The following MPRIP variants were observed in gnomAD, a reference collection of about 807,000 sequenced individuals.
MPRIP encodes myosin phosphatase Rho interacting protein, also known as myosin phosphatase Rho-interacting protein.
A neutral mutation model predicts 234.9 loss-of-function variants in MPRIP; 59 were observed. The observed-to-expected ratio is 0.25, with a 90% CI of 0.20 to 0.31. The LOEUF is 0.31. MPRIP is among the 10% of genes least tolerant of loss of function. The pLI, the probability that MPRIP is intolerant of heterozygous loss-of-function variation, is 1.00. For synonymous variants in MPRIP, 1,144 were observed against 1,263.9 expected, an observed-to-expected ratio of 0.91 and a Z score of 2.01; for missense variants, 2,436 against 3,071.0, an observed-to-expected ratio of 0.79 and a Z score of 4.89.
chr17:17,142,575 A>G lies in MPRIP; in HGVS notation c.1251-52A>G. 8 of 1,595,700 alleles carry G rather than the reference A, an allele frequency of 5.0e-6. 1 individual carries two copies. In the South Asian group the frequency reaches 7.9e-5, roughly 16 times the overall value. ...GCATGGGAGGAGTCGGCTCACTGCC[A>G]CCTCACAGCTCACCTCACTGCCACC... On this transcript the variant is annotated intron_variant, in intron 7 of 23. Transcript: ENST00000651222.
intron 3 of MPRIP, among the ~76,000 whole-genome samples, chr17:17,090,692 C>T (rs1386234646): frequency 6.6e-6 from 1 of 152,210 alleles, no homozygotes; most frequent in African/African-American, 2.4e-5. Context: ...ACAGTGCTAG[C>T]GTCCTCACTG....
intron 1 of MPRIP, among the ~76,000 whole-genome samples, chr17:17,069,287 G>GT (rs1334035511): frequency 6.6e-6 from 1 of 151,930 alleles, no homozygotes; most frequent in African/African-American, 2.4e-5. Context: ...ATCACTTTTA[G>GT]TTTTTTCTTT....
Position 17,190,669 on chromosome 17 carries a change from A to G in MPRIP, c.*5775A>G, listed in dbSNP as rs1265999285. On this transcript the variant is annotated 3_prime_UTR_variant, in exon 24 of 24. Coordinates refer to ENST00000651222, the MANE Select transcript of MPRIP (RefSeq NM_001364716.4). ...CATCTCCCTTCTCTGAAATCCTTCA[A>G]CAAAAGAAAAGGCTCTTGGCAGGGT... 2 of 152,342 alleles carry G rather than the reference A, an allele frequency of 1.3e-5. No homozygotes were observed. The highest frequency in any genetic ancestry group is 1.5e-5 in the Non-Finnish European group (1 of 68,036). The allele number at this position is 152,342 out of a possible 1,614,324, so 9.4% of individuals were successfully genotyped here. A position where few individuals can be genotyped will look rare whatever the true frequency, so the allele number is the denominator to read the frequency against.
In MPRIP at chr17:17,138,082, T is replaced by A. The variant is rs1184736300; in HGVS notation, c.903T>A (p.Ser301Arg). Residue 301 changes from serine to arginine, a missense_variant, in exon 7 of 24, where the codon AGT becomes AGA. Coordinates refer to ENST00000651222, the MANE Select transcript of MPRIP (RefSeq NM_001364716.4). The surrounding 1 kb of genome is among the most constrained non-coding windows in gnomAD (Gnocchi z 5.8). The part of the protein sequence containing the change: ...PSPSTPNHRY[S>R]CPESPSQELG... Reference sequence around the variant, plus strand: ...CCAGCACCCCCAACCACAGGTACAGTTGCCCCGAGTCGCCCTCCCAGGAGC... The same window carrying A: ...CCAGCACCCCCAACCACAGGTACAGATGCCCCGAGTCGCCCTCCCAGGAGC... The A allele has an allele frequency of 1.9e-6, 3 of 1,572,148 alleles. No homozygotes were observed. Among genetic ancestry groups the A allele is most frequent in the Non-Finnish European group, 2.6e-6 (3 of 1,159,690 alleles).
At chr17:17,180,150 A>G (rs1159989623) in intron 23 of MPRIP, 62 bp downstream of exon 23, 1 of 1,336,098 alleles carries the variant, frequency 7.5e-7, no homozygotes, top group East Asian at 2.4e-5. Context: ...AGAGTAGCCC[A>G]AATTGAAGTA....
intron 15 of MPRIP, among the ~76,000 whole-genome samples, chr17:17,162,314 C>T (rs1429423096): frequency 2.0e-5 from 3 of 152,214 alleles, no homozygotes; most frequent in Non-Finnish European, 4.4e-5. Context: ...TCTTAGACCC[C>T]GAGTCTCTGT....
In MPRIP at chr17:17,192,416, T is replaced by C. The variant is rs985059469; in HGVS notation, c.*7522T>C. ...AAGAAAGCCTGACCAGCTGAGCTGC[T>C]GCTTTTTTTTTGGGGGGGGGGGGGG... On this transcript the variant is annotated 3_prime_UTR_variant, in exon 24 of 24. Coordinates refer to ENST00000651222, the MANE Select transcript of MPRIP (RefSeq NM_001364716.4). The C allele has an allele frequency of 1.1e-5, 1 of 91,724 alleles. No homozygotes were observed. The highest frequency in any genetic ancestry group is 1.3e-4 in the Admixed American group (1 of 7,538). The allele number at this position is 91,724 out of a possible 1,614,324, so 5.7% of individuals were successfully genotyped here.
At chr17:17,100,280 G>A (rs4985697) in intron 3 of MPRIP, among the ~76,000 whole-genome samples, 12,430 of 152,278 alleles carry the variant, frequency 0.082, 719 homozygotes, top group East Asian at 0.17. Flanking sequence ...GGCTTGGAGA[G>A]CATGGCACGG....
At chr17:17,047,869 A>G (rs1191990558) in intron 1 of MPRIP, among the ~76,000 whole-genome samples, 1 of 152,190 alleles carries the variant, frequency 6.6e-6, no homozygotes, top group African/African-American at 2.4e-5. Flanking sequence ...GAGTGTGAGC[A>G]CTCAGGAGGC....
chr17:17,101,030 G>A (rs572433563), intron 3 of MPRIP, among the ~76,000 whole-genome samples: 11 of 152,324 alleles, frequency 7.2e-5, no homozygotes, highest in African/African-American at 2.6e-4. Flanking sequence ...CCAGAACTCA[G>A]TGGAGCGCTA....
At position 17,166,067 on chromosome 17, in the gene MPRIP, C is replaced by T. The variant is rs1239858691; in HGVS notation, c.4476C>T (p.Ala1492=). 1.5e-6 allele frequency: 2 copies of T among 1,301,156 alleles called. No homozygotes were observed. The highest frequency in any genetic ancestry group is 2.0e-6 in the Non-Finnish European group (2 of 986,964). The allele number at this position is 1,301,156 out of a possible 1,614,324, so 80.6% of individuals were successfully genotyped here. Reference sequence around the variant, plus strand: ...AACAACTGAGATCTCTGCCTAGGGCCAGCCAGGAGGATGAGCAGGACGCAC... The same window carrying T: ...AACAACTGAGATCTCTGCCTAGGGCTAGCCAGGAGGATGAGCAGGACGCAC... ...CREQLRSLPR[A]SQEDEQDARA... The change falls in exon 16 of 24, where the codon GCC becomes GCT. Residue 1492 remains alanine (A), a synonymous_variant. Transcript: ENST00000651222. This position sits in a 1 kb window ranked among gnomAD's most constrained non-coding sequence, Gnocchi z 4.4.
chr17:17,184,188 T>C (rs1169191788), intron 23 of MPRIP, among the ~76,000 whole-genome samples: 1 of 152,276 alleles, frequency 6.6e-6, no homozygotes, highest in Admixed American at 6.5e-5. Flanking sequence ...ATTTAAGCTT[T>C]AGCAAGATTC....
At chr17:17,129,802 C>T (rs2090562019) in intron 4 of MPRIP, among the ~76,000 whole-genome samples, 1 of 152,244 alleles carries the variant, frequency 6.6e-6, no homozygotes, top group South Asian at 2.1e-4. Flanking sequence ...ATGCTCCACA[C>T]CTTGGTGAAG....
At chr17:17,157,707 A>G (rs981871102) in intron 13 of MPRIP, among the ~76,000 whole-genome samples, 1 of 152,120 alleles carries the variant, frequency 6.6e-6, no homozygotes, top group Non-Finnish European at 1.5e-5. Flanking sequence ...GCATGCCGGT[A>G]ATCCCAGCTA....
intron 22 of MPRIP, among the ~76,000 whole-genome samples, chr17:17,177,944 T>C (rs1597519979): frequency 8.4e-6 from 1 of 119,500 alleles, no homozygotes; most frequent in African/African-American, 3.1e-5. Flanking sequence ...TTTTTTTTTT[T>C]GAAACTGGGT....
intron 4 of MPRIP, among the ~76,000 whole-genome samples, chr17:17,127,474 C>T (rs1199800647): frequency 2.0e-5 from 3 of 152,236 alleles, no homozygotes; most frequent in Non-Finnish European, 2.9e-5. Context: ...GGGGCCTGAG[C>T]GCAGTGCTGA....
In MPRIP at chr17:17,142,809, G is replaced by A. The variant is rs766548826; in HGVS notation, c.1389+44G>A. 12 of 1,599,492 alleles carry A rather than the reference G, an allele frequency of 7.5e-6. No individual in the cohort carries two copies. In the South Asian group the frequency reaches 1.0e-4, roughly 14 times the overall value. ...GCAGCACCTCAGGGGTGGCTCGGGG[G>A]CGGGTCAGCATGCACCCCATGCGCC... On this transcript the variant is annotated intron_variant, in intron 8 of 23. Coordinates refer to ENST00000651222, the MANE Select transcript of MPRIP (RefSeq NM_001364716.4).
intron 11 of MPRIP, among the ~76,000 whole-genome samples, chr17:17,149,045 C>G (rs2045538985): frequency 6.6e-6 from 1 of 152,124 alleles, no homozygotes; most frequent in Admixed American, 6.5e-5. Context: ...TCCATGTGAC[C>G]AGTACCTAAT....
Position 17,165,496 on chromosome 17 carries a change from GCCATC to G in MPRIP, c.3906_3910del (p.His1303AlafsTer14), listed in dbSNP as rs2045965369. ...TCAGTGGAAGTGCTTGACAGGGAGG[GCCATC>G]AGCAGGGCACAGCCAAACTCGACCA... On this transcript the variant is annotated frameshift_variant, in exon 16 of 24. Transcript: ENST00000651222. LOFTEE classifies it high-confidence loss of function. 7.7e-7 allele frequency: 1 copy of G among 1,304,222 alleles called. No individual in the cohort carries two copies. Among genetic ancestry groups the G allele is most frequent in the Non-Finnish European group, 1.0e-6 (1 of 988,988 alleles). 80.8% of individuals were successfully genotyped at this position (1,304,222 alleles called of 1,614,324 possible). A position where few individuals can be genotyped will look rare whatever the true frequency, so the allele number is the denominator to read the frequency against.
Sources: gnomAD v4.1 joint callset for allele counts (sites outside exome capture counted in the v4.1 genomes callset) on GRCh38, gnomAD v4.1.1 for gene constraint, Gnocchi (gnomAD v3.1) non-coding constraint, MANE v1.5 for transcripts, NCBI Gene and HGNC (gene_info 2026-07-23, HGNC 2026-07-21) for gene names.